BAIAP2L1: variants seen among roughly 807,000 people sequenced by gnomAD.
BAIAP2L1 encodes the protein BAR/IMD domain-containing adapter protein 2-like 1.
Under a neutral mutation model 66.3 loss-of-function variants are expected in BAIAP2L1, and 35 were observed. That is an observed-to-expected ratio of 0.53 (90% CI 0.40 to 0.70). The LOEUF (loss-of-function observed/expected upper bound fraction) is 0.70. Among genes scored for constraint, BAIAP2L1 ranks in the 30% least tolerant of loss-of-function variants. The pLI is 0.00. For synonymous variants in BAIAP2L1, 269 were observed against 248.7 expected, an observed-to-expected ratio of 1.08 and a Z score of -0.77; for missense variants, 622 against 656.9, an observed-to-expected ratio of 0.95 and a Z score of 0.58.
intron 3 of BAIAP2L1, among the ~76,000 whole-genome samples, chr7:98,328,734 C>T (rs1801430355): frequency 1.3e-5 from 2 of 150,882 alleles, no homozygotes. Context: ...TGTGCCCACA[C>T]ACTCCTCAAC....
chr7:98,323,050 G>A (rs953283602), intron 3 of BAIAP2L1: 2 of 152,192 alleles, frequency 1.3e-5, no homozygotes, highest in African/African-American at 4.8e-5. Context: ...GCTAAACACG[G>A]GGAGTAAAGA....
intron 12 of BAIAP2L1, among the ~76,000 whole-genome samples, chr7:98,302,757 T>G (rs188702153): frequency 6.6e-6 from 1 of 152,282 alleles, no homozygotes; most frequent in East Asian, 1.9e-4. Flanking sequence ...TGGAGCTGAT[T>G]TGGATCCAGA....
chr7:98,364,602 G>A (rs564499832), intron 1 of BAIAP2L1, among the ~76,000 whole-genome samples: 4 of 151,948 alleles, frequency 2.6e-5, no homozygotes, highest in African/African-American at 9.6e-5. Context: ...CTGAGTCCCC[G>A]TGTGTCTGAA....
At chr7:98,356,994 CAAAAAAAA>C (rs1171832329) in intron 2 of BAIAP2L1, among the ~76,000 whole-genome samples, 65 of 2,404 alleles carry the variant, frequency 0.027, no homozygotes, top group Non-Finnish European at 0.043. Flanking sequence ...GCCCCTGTCT[CAAAAAAAA>C]AAAAAAAAAA....
intron 1 of BAIAP2L1, among the ~76,000 whole-genome samples, chr7:98,397,310 C>T (rs1020669486): frequency 1.5e-5 from 2 of 137,822 alleles, no homozygotes; most frequent in Non-Finnish European, 3.1e-5. Context: ...TCCTCCACTT[C>T]TTAAGCCCTT....
intron 1 of BAIAP2L1, among the ~76,000 whole-genome samples, chr7:98,391,815 A>C (rs1007332518): frequency 6.6e-6 from 1 of 152,140 alleles, no homozygotes; most frequent in African/African-American, 2.4e-5. Context: ...AAGGCTGAGG[A>C]AAATAAAAAC....
intron 3 of BAIAP2L1, among the ~76,000 whole-genome samples, 157 bp downstream of exon 3, chr7:98,354,885 A>G (rs368826740): frequency 7.2e-5 from 11 of 152,202 alleles, no homozygotes; most frequent in African/African-American, 2.7e-4. Context: ...AGCCCACCCT[A>G]CGACTAAGCA....
intron 1 of BAIAP2L1, among the ~76,000 whole-genome samples, chr7:98,393,726 C>T (rs922189013): frequency 8.0e-5 from 12 of 150,508 alleles, no homozygotes; most frequent in African/African-American, 2.9e-4. Context: ...ACTTCGCAAT[C>T]CGCCCGCCTC....
intron 1 of BAIAP2L1, among the ~76,000 whole-genome samples, chr7:98,368,647 C>T (rs975895819): frequency 6.6e-6 from 1 of 152,046 alleles, no homozygotes; most frequent in Non-Finnish European, 1.5e-5. Flanking sequence ...GTCGAGATCG[C>T]ACCACTGCAC....
chr7:98,321,966 C>T (rs538525616), intron 3 of BAIAP2L1, among the ~76,000 whole-genome samples: 7 of 152,184 alleles, frequency 4.6e-5, no homozygotes, highest in Admixed American at 2.6e-4. Context: ...CATGATGGCA[C>T]GTGCCTGTAA....
intron 1 of BAIAP2L1, among the ~76,000 whole-genome samples, chr7:98,398,655 C>A (rs1803277311): frequency 6.6e-6 from 1 of 152,112 alleles, no homozygotes; most frequent in African/African-American, 2.4e-5. Flanking sequence ...ATGATGAAAT[C>A]CACACTTTTT....
rs1470639455 is a variant in BAIAP2L1, at chr7:98,332,928, C to A, written c.215-12630G>T. 2.0e-5 allele frequency among the ~76,000 whole-genome samples: 3 copies of A among 151,902 alleles called. No homozygotes were observed. The East Asian group carries it at 5.8e-4, about 29-fold the overall frequency. On this transcript the variant is annotated intron_variant, in intron 3 of 13. Coordinates refer to ENST00000005260, the MANE Select transcript of BAIAP2L1 (RefSeq NM_018842.5). ...CCTTGCCAGGACTCTCAAAGCCCTA[C>A]GCGACCCAGCCTCATGCCTTCTGTC...
intron 13 of BAIAP2L1, 105 bp from the exon 14 acceptor site, chr7:98,293,701 C>T (rs1800065362): frequency 1.8e-6 from 2 of 1,094,806 alleles, no homozygotes; most frequent in African/African-American, 1.5e-5. Context: ...GGGCGGCTGA[C>T]CACCTCCCCA....
intron 1 of BAIAP2L1, among the ~76,000 whole-genome samples, chr7:98,373,626 G>A (rs868545104): frequency 6.6e-6 from 1 of 152,076 alleles, no homozygotes; most frequent in Non-Finnish European, 1.5e-5. Flanking sequence ...AGCTCATGAG[G>A]GGCATGAGGA....
intron 3 of BAIAP2L1, among the ~76,000 whole-genome samples, chr7:98,337,308 T>C (rs1159046793): frequency 6.6e-6 from 1 of 151,812 alleles, no homozygotes; most frequent in East Asian, 1.9e-4. Flanking sequence ...CTTGGCTCAC[T>C]GAAACCTCCG....
At chr7:98,356,114 A>T (rs1186315425) in intron 2 of BAIAP2L1, among the ~76,000 whole-genome samples, 1 of 152,208 alleles carries the variant, frequency 6.6e-6, no homozygotes, top group Non-Finnish European at 1.5e-5. Context: ...GATTCTGAAG[A>T]CTAAATTATA....
intron 1 of BAIAP2L1, among the ~76,000 whole-genome samples, chr7:98,397,471 C>T (rs1267979360): frequency 6.6e-6 from 1 of 151,872 alleles, no homozygotes; most frequent in Non-Finnish European, 1.5e-5. Context: ...ACTACAGGCA[C>T]GCGCCACCAC....
rs1802870070 is a variant in BAIAP2L1 at position 98,385,691 on chromosome 7, G to A, written c.51+15111C>T. On this transcript the variant is annotated intron_variant, in intron 1 of 13. Transcript: ENST00000005260. ...AGCCTCCCAAAGTGCTGGGATTATAGGCAGGAGCCCCCACACCCAGCCAGG... is the reference window on the plus strand; with the variant it reads ...AGCCTCCCAAAGTGCTGGGATTATAAGCAGGAGCCCCCACACCCAGCCAGG... The A allele has an allele frequency of 1.3e-5, 12 of 947,088 alleles. No homozygotes were observed. The Admixed American group carries it at 1.8e-4, about 14-fold the overall frequency. 58.7% of individuals were successfully genotyped at this position (947,088 alleles called of 1,614,324 possible).
chr7:98,357,038 T>TAG (rs1802146708), intron 2 of BAIAP2L1, among the ~76,000 whole-genome samples: 3 of 16,424 alleles, frequency 1.8e-4, no homozygotes, highest in Non-Finnish European at 1.0e-4. Flanking sequence ...TATATATATA[T>TAG]ATATATATAT....
Sources: allele counts gnomAD v4.1 joint callset (sites outside exome capture counted in the v4.1 genomes callset), GRCh38; gene constraint gnomAD v4.1.1; transcripts MANE v1.5; gene names NCBI Gene and HGNC (gene_info 2026-07-23, HGNC 2026-07-21).